CCL24: variants seen among roughly 807,000 people sequenced by gnomAD.
The protein encoded by CCL24 is C-C motif chemokine ligand 24.
CCL24 carries 6 observed loss-of-function variants against 8.6 expected under a neutral mutation model. That is an observed-to-expected ratio of 0.70 (90% CI 0.38 to 1.38). CCL24 has a LOEUF of 1.38. Ranked by LOEUF, CCL24 falls within the 40% of genes most tolerant of loss-of-function variation. The pLI is 0.02. For synonymous variants in CCL24, 59 were observed against 52.7 expected, an observed-to-expected ratio of 1.12 and a Z score of -0.52; for missense variants, 126 against 147.1, an observed-to-expected ratio of 0.86 and a Z score of 0.74.
chr7:75,819,160 C>T (rs1379475585), intron 1 of CCL24, among the ~76,000 whole-genome samples: 1 of 143,200 alleles, frequency 7.0e-6, no homozygotes, highest in Non-Finnish European at 1.5e-5. Flanking sequence ...CCCAGCTGCT[C>T]GGGAGGCTGA....
rs180830110 is a variant in CCL24, at chr7:75,811,590, C to T, written c.*206G>A. The T allele has an allele frequency of 2.9e-5, 14 of 488,852 alleles. No homozygotes were observed. The highest frequency in any genetic ancestry group is 4.7e-5 in the Non-Finnish European group (13 of 277,860). The allele number at this position is 488,852 out of a possible 1,614,324, so 30.3% of individuals were successfully genotyped here. A position where few individuals can be genotyped will look rare whatever the true frequency, so the allele number is the denominator to read the frequency against. ...CACCCAGCTCCAGAAAGGCAAGGGG[C>T]CTTGGATGCTTGGAGCCATTGCTCA... On this transcript the variant is annotated 3_prime_UTR_variant, in exon 3 of 3. Coordinates refer to ENST00000222902, the MANE Select transcript of CCL24 (RefSeq NM_002991.3).
upstream of CCL24, chr7:75,813,848 A>G: frequency 1.6e-6 from 1 of 634,792 alleles, no homozygotes; most frequent in Non-Finnish European, 2.8e-6. Context: ...GGCAACTAGA[A>G]GGAAACACGC....
At chr7:75,815,221 C>T (rs1484167741), upstream of CCL24, among the ~76,000 whole-genome samples, 1 of 151,660 alleles carries the variant, frequency 6.6e-6, no homozygotes, top group Non-Finnish European at 1.5e-5. Flanking sequence ...CGCCTGTAGT[C>T]CTAGCTACTT....
chr7:75,818,653 T>C (rs192273034), upstream of CCL24, among the ~76,000 whole-genome samples: 31 of 130,018 alleles, frequency 2.4e-4, no homozygotes, highest in African/African-American at 8.4e-4. Flanking sequence ...AGGGAAGCAG[T>C]AGAAGTGGGA....
At position 75,820,101 on chromosome 7, in the gene CCL24, T is replaced by C. The variant is rs61462512; in HGVS notation, c.-60+3221A>G. On this transcript the variant is annotated intron_variant, in intron 1 of 3. Transcript: ENST00000416943. ...CTTCTTCTTCTTCCTCTTCTTCTTC[T>C]TCTTCCTTCTTCTTCTTCTTCTTCT... Among the ~76,000 whole-genome samples, 7 of 120,850 alleles carry C rather than the reference T, an allele frequency of 5.8e-5. No individual in the cohort carries two copies. In the East Asian group the frequency reaches 9.8e-4, roughly 17 times the overall value. The allele number at this position is 120,850 out of a possible 152,430, so 79.3% of individuals were successfully genotyped here.
At chr7:75,817,877 C>T (rs1284556947), upstream of CCL24, among the ~76,000 whole-genome samples, 1 of 151,822 alleles carries the variant, frequency 6.6e-6, no homozygotes, top group Non-Finnish European at 1.5e-5. Context: ...GTCACCCAGG[C>T]TGGAGTGCAG....
intron 1 of CCL24, among the ~76,000 whole-genome samples, chr7:75,819,473 G>A (rs1337603865): frequency 1.3e-5 from 2 of 148,764 alleles, no homozygotes; most frequent in African/African-American, 2.5e-5. Context: ...AAATATAAAC[G>A]AAAAATTAGC....
At chr7:75,812,046 C>A in intron 2 of CCL24, 82 bp from the exon 3 acceptor site, 1 of 1,169,330 alleles carries the variant, frequency 8.6e-7, no homozygotes, top group Non-Finnish European at 1.2e-6. Flanking sequence ...GGGATGTGGA[C>A]GCCCAGAGAC....
upstream of CCL24, among the ~76,000 whole-genome samples, chr7:75,816,584 C>T (rs577145295): frequency 5.4e-5 from 8 of 148,902 alleles, no homozygotes; most frequent in South Asian, 2.1e-4. Flanking sequence ...ATTTTTGATA[C>T]GGAGTCTCTC....
chr7:75,819,000 G>A (rs945565631), intron 1 of CCL24, among the ~76,000 whole-genome samples: 4 of 150,544 alleles, frequency 2.7e-5, no homozygotes, highest in Non-Finnish European at 4.4e-5. Context: ...TGAGGGCCAG[G>A]GCTCACGCTT....
upstream of CCL24, among the ~76,000 whole-genome samples, chr7:75,814,245 G>A (rs538778009): frequency 6.6e-6 from 1 of 152,264 alleles, no homozygotes; most frequent in Non-Finnish European, 1.5e-5. Context: ...TGGGGAGACA[G>A]ATTTGTGATC....
chr7:75,822,024 C>T (rs1554535171), intron 1 of CCL24, among the ~76,000 whole-genome samples: 1 of 151,906 alleles, frequency 6.6e-6, no homozygotes, highest in African/African-American at 2.4e-5. Context: ...ATAGCTTAAA[C>T]CCGGGAGGCA....
rs1386659883 is a variant in CCL24, at chr7:75,813,536, C to A, written c.73+107G>T. ...AACACCGCCAGTCCATTCACTGGGC[C>A]ACCCTTTCCCCAGCGCTTCCCTCCA... On this transcript the variant is annotated intron_variant, in intron 1 of 2. Transcript: ENST00000222902. 4 of 1,269,246 alleles carry A rather than the reference C, an allele frequency of 3.2e-6. No individual in the cohort carries two copies. The East Asian group carries it at 9.3e-5, about 30-fold the overall frequency. The allele number at this position is 1,269,246 out of a possible 1,614,324, so 78.6% of individuals were successfully genotyped here.
upstream of CCL24, among the ~76,000 whole-genome samples, chr7:75,817,826 G>C (rs1417264899): frequency 6.8e-6 from 1 of 148,036 alleles, no homozygotes; most frequent in Non-Finnish European, 1.5e-5. Flanking sequence ...TTTTGTTGCT[G>C]TTGTTGTTGT....
chr7:75,820,023 T>TTCTTCTTCTTCC (rs1585031498), intron 1 of CCL24, among the ~76,000 whole-genome samples: 1 of 91,556 alleles, frequency 1.1e-5, no homozygotes, highest in Admixed American at 1.2e-4. Flanking sequence ...AAACTACTTC[T>TTCTTCTTCTTCC]TCTTCTTCTT....
intron 1 of CCL24, among the ~76,000 whole-genome samples, chr7:75,819,268 CAAAAAAAAAAAAAAAAAA>C (rs1177321755): frequency 9.3e-4 from 19 of 20,482 alleles, no homozygotes; most frequent in African/African-American, 4.5e-3. Flanking sequence ...AACTCCGTCT[CAAAAAAAAAAAAAAAAAA>C]AAAAAAAAAA....
At chr7:75,816,509 T>C (rs1053251439), upstream of CCL24, among the ~76,000 whole-genome samples, 1 of 152,180 alleles carries the variant, frequency 6.6e-6, no homozygotes, top group East Asian at 1.9e-4. Context: ...AGAAAAGTCA[T>C]GGGAAGGCCC....
At chr7:75,820,018 A>ACTACTT (rs1554534776) in intron 1 of CCL24, among the ~76,000 whole-genome samples, 120 of 104,910 alleles carry the variant, frequency 1.1e-3, no homozygotes, top group African/African-American at 3.1e-3. Context: ...TTAGTAAACT[A>ACTACTT]CTTCTTCTTC....
At chr7:75,815,986 C>T (rs1464318412), upstream of CCL24, among the ~76,000 whole-genome samples, 1 of 152,186 alleles carries the variant, frequency 6.6e-6, no homozygotes, top group Non-Finnish European at 1.5e-5. Flanking sequence ...CTCCAACCTC[C>T]CTGCTCTGGG....
Sources: allele counts gnomAD v4.1 joint callset (sites outside exome capture counted in the v4.1 genomes callset), GRCh38; gene constraint gnomAD v4.1.1; transcripts MANE v1.5; gene names NCBI Gene and HGNC (gene_info 2026-07-23, HGNC 2026-07-21).